Variants in USP8 observed in about 807,000 individuals in gnomAD.
USP8 encodes ubiquitin carboxyl-terminal hydrolase 8.
In USP8, 27 loss-of-function variants were observed where a neutral mutation model predicts 130.0. The observed-to-expected ratio is 0.21, with a 90% CI of 0.15 to 0.29. USP8 has a LOEUF of 0.29. Among genes scored for constraint, USP8 ranks in the 10% least tolerant of loss-of-function variants. The pLI is 1.00. For synonymous variants in USP8, 392 were observed against 444.1 expected (o/e 0.88, Z 1.48); for missense variants, 1,029 against 1,312.2 (o/e 0.78, Z 3.33).
chr15:50,490,933 A>T (rs1273060775), intron 14 of USP8, among the ~76,000 whole-genome samples: 1 of 152,250 alleles, frequency 6.6e-6, no homozygotes, highest in East Asian at 1.9e-4. Flanking sequence ...CAATAATGTA[A>T]GCGAAGTTTT....
At chr15:50,427,558 A>ATTTT in intron 1 of USP8, among the ~76,000 whole-genome samples, 1 of 106,538 alleles carries the variant, frequency 9.4e-6, no homozygotes, top group Non-Finnish European at 1.9e-5. Flanking sequence ...AGCCGTACTA[A>ATTTT]TTTTTTTTTT....
rs748314737 is a variant in USP8 at position 50,490,480 on chromosome 15, A to T, written c.2189A>T (p.Glu730Val). 1 of 1,614,184 alleles carries T rather than the reference A, an allele frequency of 6.2e-7. No individual in the cohort carries two copies. The highest frequency in any genetic ancestry group is 1.7e-5 in the Admixed American group (1 of 60,018). Residue 730 changes from glutamate to valine, a missense_variant, in exon 14 of 20, where the codon GAG becomes GTG. By Grantham distance (121) the Glu-to-Val change is moderately radical. Transcript: ENST00000307179. ...PDITQAIQEE[E>V]KRKPTVTPTV... ...ATAACCCAGGCTATTCAAGAGGAAG[A>T]GAAGAGGAAGCCAACAGTAACTCCA...
chr15:50,445,510 C>T (rs187581313), intron 3 of USP8, among the ~76,000 whole-genome samples: 2,667 of 127,982 alleles, frequency 0.021, 37 homozygotes, highest in Middle Eastern at 0.04. Context: ...CGCACCACTG[C>T]ACTCCAGCCT....
chr15:50,481,549 C>A lies in USP8; in HGVS notation c.1287C>A (p.Asn429Lys), dbSNP rs749722937. ...ATAGAATAAAATCTGAAAGTACAAA[C>A]CATGAGCAACAATCTCCTCAGAGTG... ...EEHRIKSESTNHEQQSPQSGK... is the reference protein window; with the variant it reads ...EEHRIKSESTKHEQQSPQSGK... Residue 429 changes from asparagine (N) to lysine (K), a missense_variant, in exon 11 of 20, where the codon AAC (asparagine) becomes AAA (lysine). Around this residue, in one of 4 missense-constraint regions of USP8, gnomAD observed 486 missense variants for 522.0 expected, o/e 0.93. Transcript: ENST00000307179. The A allele has an allele frequency of 6.2e-7, 1 of 1,612,086 alleles. No individual in the cohort carries two copies. The highest frequency in any genetic ancestry group is 1.7e-5 in the Admixed American group (1 of 59,520).
chr15:50,436,579 A>G (rs971985253), intron 1 of USP8, among the ~76,000 whole-genome samples: 2 of 151,758 alleles, frequency 1.3e-5, no homozygotes, highest in Admixed American at 6.6e-5. Flanking sequence ...GCTCACTGCA[A>G]CCTCACCTCC....
intron 14 of USP8, among the ~76,000 whole-genome samples, chr15:50,491,656 A>G (rs892000110): frequency 6.6e-6 from 1 of 152,210 alleles, no homozygotes; most frequent in Admixed American, 6.5e-5. Flanking sequence ...ATTAATTAAA[A>G]AAGAAAAAAG....
At chr15:50,454,778 C>G (rs2050739818) in intron 4 of USP8, among the ~76,000 whole-genome samples, 1 of 151,862 alleles carries the variant, frequency 6.6e-6, no homozygotes, top group Non-Finnish European at 1.5e-5. Flanking sequence ...ATTTATCACT[C>G]TTTCATCCTT....
intron 7 of USP8, among the ~76,000 whole-genome samples, chr15:50,470,765 A>C (rs2051348075): frequency 6.6e-6 from 1 of 151,584 alleles, no homozygotes; most frequent in South Asian, 2.1e-4. Context: ...ATGCCCGGCT[A>C]ATTTTTGTAT....
chr15:50,472,454 G>A (rs1414631051), intron 8 of USP8, among the ~76,000 whole-genome samples: 1 of 151,474 alleles, frequency 6.6e-6, no homozygotes. Context: ...AAAATTAGCC[G>A]GGCGCAGTGG....
chr15:50,446,678 AG>A (rs2050451110), intron 3 of USP8, among the ~76,000 whole-genome samples: 1 of 152,246 alleles, frequency 6.6e-6, no homozygotes, highest in African/African-American at 2.4e-5. Context: ...TACATAGTGA[AG>A]GGTCCTTCTA....
In USP8 at chr15:50,505,447, T is replaced by C. The variant is rs1242637049; in HGVS notation, c.*6359T>C. On this transcript the variant is annotated 3_prime_UTR_variant, in exon 20 of 20. Transcript: ENST00000307179. ...GTTATCATCCAAGAATGAAAGTGAA[T>C]TAAAGACTTCTCAAAGACTGAGAGA... The C allele has an allele frequency of 6.6e-6, 1 of 152,126 alleles. No homozygotes were observed. Among genetic ancestry groups the C allele is most frequent in the Non-Finnish European group, 1.5e-5 (1 of 68,022 alleles). The allele number at this position is 152,126 out of a possible 1,614,324, so 9.4% of individuals were successfully genotyped here.
At chr15:50,481,034 A>G (rs2051747600) in intron 10 of USP8, among the ~76,000 whole-genome samples, 1 of 149,690 alleles carries the variant, frequency 6.7e-6, no homozygotes. Context: ...GAGTGGTTAC[A>G]TCCATGAGAT....
In USP8 at chr15:50,424,466, G is replaced by A. The variant is rs1378699303; in HGVS notation, c.-114G>A. On this transcript the variant is annotated 5_prime_UTR_variant, in exon 1 of 20. It removes an upstream start codon present in the reference 5' UTR. Coordinates refer to ENST00000307179, the MANE Select transcript of USP8 (RefSeq NM_005154.5). ...ATTCTCCCTCGAGTTCTTGGGAGATGGGCATTTGGCGAGAAGGCTGGCGTT... is the reference window on the plus strand; with the variant it reads ...ATTCTCCCTCGAGTTCTTGGGAGATAGGCATTTGGCGAGAAGGCTGGCGTT... 2.5e-6 allele frequency: 1 copy of A among 398,622 alleles called. No individual in the cohort carries two copies. Among genetic ancestry groups the A allele is most frequent in the Non-Finnish European group, 4.4e-6 (1 of 226,130 alleles). The allele number at this position is 398,622 out of a possible 1,614,324, so 24.7% of individuals were successfully genotyped here.
In USP8 at chr15:50,499,213, G is replaced by A; in HGVS notation, c.*125G>A. 1 of 884,740 alleles carries A rather than the reference G, an allele frequency of 1.1e-6. No homozygotes were observed. The highest frequency in any genetic ancestry group is 1.6e-6 in the Non-Finnish European group (1 of 610,166). The allele number at this position is 884,740 out of a possible 1,614,324, so 54.8% of individuals were successfully genotyped here. On this transcript the variant is annotated 3_prime_UTR_variant, in exon 20 of 20. Coordinates refer to ENST00000307179, the MANE Select transcript of USP8 (RefSeq NM_005154.5). ...GGAATTCTAGGACAGTGGGAGCTGT[G>A]TTACTAGCACTATATAATTCCGGTC...
intron 4 of USP8, chr15:50,458,640 C>A (rs2141277378): frequency 5.9e-6 from 1 of 168,118 alleles, no homozygotes; most frequent in Non-Finnish European, 1.3e-5. Flanking sequence ...TCTAAATTAT[C>A]AACATAAGTG....
rs74014313 is a variant in USP8, at chr15:50,489,765, A to T, written c.1891-36A>T. 2.1e-3 allele frequency: 2,806 copies of T among 1,320,712 alleles called. 51 individuals carry two copies. The African/African-American group carries it at 0.037, about 18-fold the overall frequency. 81.8% of individuals were successfully genotyped at this position (1,320,712 alleles called of 1,614,324 possible). A position where few individuals can be genotyped will look rare whatever the true frequency, so the allele number is the denominator to read the frequency against. ...AATTGAAAAATCAGATTTAAAAAAA[A>T]TTTTTTTTTAATTTTTTTTATTTTA... is the stretch of plus-strand genomic sequence containing the variant. On this transcript the variant is annotated intron_variant, in intron 12 of 19. Transcript: ENST00000307179.
intron 12 of USP8, among the ~76,000 whole-genome samples, chr15:50,486,164 A>G (rs2051953920): frequency 6.6e-6 from 1 of 152,120 alleles, no homozygotes; most frequent in Admixed American, 6.5e-5. Flanking sequence ...CCTTGGCAAC[A>G]TAGCAAGACC....
At position 50,492,632 on chromosome 15, in the gene USP8, TTATAGTATAGAACC is replaced by T. The variant is rs1033314827; in HGVS notation, c.2235-67_2235-54del. On this transcript the variant is annotated intron_variant, in intron 14 of 19. Transcript: ENST00000307179. ...TACAGGTGCTACAGTTTGCTGCCAT[TTATAGTATAGAACC>T]TTAATTTCATATGCTCAGCATTTTA... The T allele has an allele frequency of 6.6e-6, 10 of 1,517,872 alleles. No homozygotes were observed. In the African/African-American group the frequency reaches 1.4e-4, roughly 21 times the overall value. The allele number at this position is 1,517,872 out of a possible 1,614,324, so 94.0% of individuals were successfully genotyped here. A position where few individuals can be genotyped will look rare whatever the true frequency, so the allele number is the denominator to read the frequency against.
rs1207305018 is a variant in USP8 at position 50,465,203 on chromosome 15, T to G, written c.686+12T>G. On this transcript the variant is annotated intron_variant, in intron 7 of 19. Transcript: ENST00000307179. ...GCCATCAGTCCAGGGTGGGTTATTG[T>G]GTAGTAAAGTAGTAAACTGTGTAGT... The G allele has an allele frequency of 6.2e-7, 1 of 1,611,248 alleles. No homozygotes were observed. Among genetic ancestry groups the G allele is most frequent in the African/African-American group, 1.3e-5 (1 of 74,862 alleles).
Sources: allele counts gnomAD v4.1 joint callset (sites outside exome capture counted in the v4.1 genomes callset), GRCh38; gene constraint gnomAD v4.1.1; regional missense constraint gnomAD v4.1.1; transcripts MANE v1.5; gene names NCBI Gene and HGNC (gene_info 2026-07-23, HGNC 2026-07-21).